Variants in ABCC5 observed in about 807,000 individuals in gnomAD.
ABCC5 encodes ATP-binding cassette sub-family C member 5.
Under a neutral mutation model 160.9 loss-of-function variants are expected in ABCC5, and 61 were observed. That is an observed-to-expected ratio of 0.38 (90% CI 0.31 to 0.47). ABCC5 has a LOEUF of 0.47. ABCC5 is among the 20% of genes least tolerant of loss of function. ABCC5 has a pLI of 0.99. For missense variants in ABCC5, 1,308 were observed against 1,813.3 expected (o/e 0.72, Z 5.06); for synonymous variants, 666 against 700.6 (o/e 0.95, Z 0.78).
intron 29 of ABCC5, among the ~76,000 whole-genome samples, chr3:183,922,124 C>T (rs142510013): frequency 0.014 from 2,125 of 152,106 alleles, 49 homozygotes; most frequent in African/African-American, 0.049. Flanking sequence ...GTAATCCCAG[C>T]ACTTTGGGAG....
At chr3:183,952,305 C>A (rs1715447446) in intron 18 of ABCC5, among the ~76,000 whole-genome samples, 1 of 152,152 alleles carries the variant, frequency 6.6e-6, no homozygotes, top group Non-Finnish European at 1.5e-5. Context: ...CACCACCATG[C>A]CCAGCTAATT....
intron 24 of ABCC5, among the ~76,000 whole-genome samples, chr3:183,945,385 C>G (rs9812777): frequency 6.6e-6 from 1 of 152,006 alleles, no homozygotes; most frequent in Non-Finnish European, 1.5e-5. Flanking sequence ...GTTTAGAATT[C>G]GCTATGGAGC....
At chr3:184,014,242 A>G (rs767251357) in intron 2 of ABCC5, 22 bp downstream of exon 2, 2 of 1,604,480 alleles carry the variant, frequency 1.2e-6, no homozygotes, top group African/African-American at 2.7e-5. Flanking sequence ...CAGGTAAGAG[A>G]CTCTTAGGAA....
intron 2 of ABCC5, among the ~76,000 whole-genome samples, chr3:184,013,735 T>C (rs1721951773): frequency 6.6e-6 from 1 of 151,916 alleles, no homozygotes; most frequent in African/African-American, 2.4e-5. Context: ...AGAATAAAAG[T>C]GAAAAAGAGG....
At position 183,951,767 on chromosome 3, in the gene ABCC5, C is replaced by T; in HGVS notation, c.2814+90G>A. ...CAGGGCCATCCTGGTTAAGGGAGCT[C>T]CCCTACTCAGCATGAACTGAGAGAC... On this transcript the variant is annotated intron_variant, in intron 19 of 29. Transcript: ENST00000334444. This position sits in a 1 kb window ranked among gnomAD's most constrained non-coding sequence, Gnocchi z 4.7. 6.5e-7 allele frequency: 1 copy of T among 1,544,920 alleles called. No individual in the cohort carries two copies. Among genetic ancestry groups the T allele is most frequent in the Middle Eastern group, 2.2e-4 (1 of 4,468 alleles).
Position 184,007,427 on chromosome 3 carries a change from C to T in ABCC5, c.129+6837G>A, listed in dbSNP as rs535410922. Among the ~76,000 whole-genome samples the T allele has an allele frequency of 3.8e-4, 58 of 152,256 alleles. No homozygotes were observed. The Middle Eastern group carries it at 0.014, about 36-fold the overall frequency. On this transcript the variant is annotated intron_variant, in intron 2 of 29. Coordinates refer to ENST00000334444, the MANE Select transcript of ABCC5 (RefSeq NM_005688.4). Reference sequence around the variant, plus strand: ...AGAGCACTAAGAAAACAAACCACCACCACAATAAAATAAAGCTCATAAAAG... The same window carrying T: ...AGAGCACTAAGAAAACAAACCACCATCACAATAAAATAAAGCTCATAAAAG...
At chr3:183,991,759 G>C (rs1309959097) in intron 2 of ABCC5, among the ~76,000 whole-genome samples, 1 of 152,222 alleles carries the variant, frequency 6.6e-6, no homozygotes, top group African/African-American at 2.4e-5. Context: ...TTAGTGGTTA[G>C]GGACTACGGC....
intron 25 of ABCC5, among the ~76,000 whole-genome samples, chr3:183,939,266 C>T (rs1714054298): frequency 6.6e-6 from 1 of 152,160 alleles, no homozygotes; most frequent in Non-Finnish European, 1.5e-5. Context: ...AACCCTGTCT[C>T]TACTATAAAT....
chr3:184,006,104 C>G (rs1169811243), intron 2 of ABCC5, among the ~76,000 whole-genome samples: 2 of 152,090 alleles, frequency 1.3e-5, no homozygotes, highest in Non-Finnish European at 2.9e-5. Context: ...CCCCAGCGAG[C>G]TGTCAATGCA....
intron 29 of ABCC5, 149 bp downstream of exon 29, chr3:183,925,405 CT>C (rs1712437403): frequency 5.8e-6 from 4 of 683,830 alleles, no homozygotes; most frequent in Admixed American, 6.3e-5. Context: ...GATTCGGAGG[CT>C]GTATCCCTCC....
At chr3:183,985,456 C>G (rs1719121720) in intron 5 of ABCC5, 1 of 1,238,188 alleles carries the variant, frequency 8.1e-7, no homozygotes, top group South Asian at 1.2e-5. Flanking sequence ...ACCAAGCAAG[C>G]TGCAGGTGGA....
chr3:183,971,734 C>T lies in ABCC5; in HGVS notation c.1590G>A (p.Val530=). The change falls in exon 11 of 30, where the codon GTG becomes GTA. Residue 530 remains valine (V), a synonymous_variant. Transcript: ENST00000334444. The part of the protein sequence containing the change: ...KRASRGKKEK[V]RQLQRTEHQA... ...GATGCTCAGTGCGCTGCAGCTGCCTCACCTTCTCTTTCTTGCCCCTGGAAG... is the reference window on the plus strand; with the variant it reads ...GATGCTCAGTGCGCTGCAGCTGCCTTACCTTCTCTTTCTTGCCCCTGGAAG... The T allele has an allele frequency of 6.2e-7, 1 of 1,614,252 alleles. No homozygotes were observed.
intron 2 of ABCC5, among the ~76,000 whole-genome samples, chr3:183,990,425 C>G (rs1374536916): frequency 6.6e-6 from 1 of 152,120 alleles, no homozygotes; most frequent in Non-Finnish European, 1.5e-5. Context: ...TCTTTGTGTT[C>G]TATGTTCTAA....
intron 17 of ABCC5, among the ~76,000 whole-genome samples, chr3:183,955,088 T>C (rs533033609): frequency 6.6e-6 from 1 of 152,194 alleles, no homozygotes; most frequent in East Asian, 1.9e-4. Flanking sequence ...AGATGAAGCC[T>C]CCCAGTAGCA....
chr3:183,978,673 A>G (rs1192071308), intron 8 of ABCC5, 22 bp from the exon 9 acceptor site: 10 of 1,609,718 alleles, frequency 6.2e-6, no homozygotes, highest in Non-Finnish European at 8.5e-6. Flanking sequence ...AAGCAAGCCA[A>G]TTTCAAAGCA....
intron 29 of ABCC5, among the ~76,000 whole-genome samples, chr3:183,922,983 C>G (rs1173511552): frequency 2.0e-5 from 3 of 152,192 alleles, no homozygotes; most frequent in African/African-American, 4.8e-5. Flanking sequence ...TCCCATCCTC[C>G]AAACCCCTTT....
chr3:183,963,748 G>A lies in ABCC5; in HGVS notation c.2032-160C>T, dbSNP rs1469889758. Among the ~76,000 whole-genome samples the A allele has an allele frequency of 4.0e-5, 6 of 148,236 alleles. No homozygotes were observed. The highest frequency in any genetic ancestry group is 7.3e-5 in the Non-Finnish European group (5 of 68,030). On this transcript the variant is annotated intron_variant, in intron 14 of 29. Coordinates refer to ENST00000334444, the MANE Select transcript of ABCC5 (RefSeq NM_005688.4). The surrounding 1 kb of genome is among the most constrained non-coding windows in gnomAD (Gnocchi z 4.6). ...TGATTCCCCGCAGATGAACTGCCAT[G>A]CTGATCCTTCAACGAAGTGGGGGAG...
At chr3:183,945,584 T>G (rs1411251420) in intron 24 of ABCC5, among the ~76,000 whole-genome samples, 1 of 152,226 alleles carries the variant, frequency 6.6e-6, no homozygotes, top group Non-Finnish European at 1.5e-5. Context: ...GCTCCATTAG[T>G]CAGTTAAGCT....
At chr3:183,938,150 T>C (rs998388775) in intron 25 of ABCC5, 90 bp from the exon 26 acceptor site, 14 of 1,296,058 alleles carry the variant, frequency 1.1e-5, no homozygotes, top group Non-Finnish European at 1.4e-5. Context: ...GCCAACTATT[T>C]TTCCATTTCT....
Sources: gnomAD v4.1 joint callset for allele counts (sites outside exome capture counted in the v4.1 genomes callset) on GRCh38, gnomAD v4.1.1 for gene constraint, Gnocchi (gnomAD v3.1) non-coding constraint, MANE v1.5 for transcripts, NCBI Gene and HGNC (gene_info 2026-07-23, HGNC 2026-07-21) for gene names.